SAG: variants seen among roughly 807,000 people sequenced by gnomAD.
The protein encoded by SAG is S-antigen visual arrestin, also known as S-arrestin.
SAG carries 45 observed loss-of-function variants against 55.0 expected under a neutral mutation model. That is an observed-to-expected ratio of 0.82 (90% confidence interval 0.64 to 1.05). The LOEUF is 1.05. Among genes scored for constraint, SAG ranks in the 50% least tolerant of loss-of-function variants. SAG has a pLI of 0.00. For missense variants in SAG, 455 were observed against 512.1 expected, an observed-to-expected ratio of 0.89 and a Z score of 1.08; for synonymous variants, 189 against 197.4, an observed-to-expected ratio of 0.96 and a Z score of 0.36.
At chr2:233,317,532 A>T (rs1490452431) in intron 3 of SAG, among the ~76,000 whole-genome samples, 2 of 152,260 alleles carry the variant, frequency 1.3e-5, no homozygotes, top group Non-Finnish European at 2.9e-5. Flanking sequence ...TGGATATGCA[A>T]ATGTGCCTTG....
In SAG at chr2:233,319,054, C is replaced by G. The variant is rs938503475; in HGVS notation, c.181+259C>G. The G allele has an allele frequency of 1.5e-5, 10 of 662,736 alleles. No individual in the cohort carries two copies. Among genetic ancestry groups the G allele is most frequent in the Admixed American group, 1.2e-4 (6 of 48,232 alleles). 41.1% of individuals were successfully genotyped at this position (662,736 alleles called of 1,614,324 possible). A position where few individuals can be genotyped will look rare whatever the true frequency, so the allele number is the denominator to read the frequency against. On this transcript the variant is annotated intron_variant, in intron 4 of 15. Transcript: ENST00000409110. The surrounding 1 kb of genome is among the most constrained non-coding windows in gnomAD (Gnocchi z 4.4). ...AGATAAGTAGATGGTAGACGGAGCC[C>G]AGGTCTGTGGCCCCCATTCCTGTTT...
intron 7 of SAG, 133 bp from the exon 8 acceptor site, chr2:233,328,345 C>T: frequency 1.8e-6 from 2 of 1,118,916 alleles, no homozygotes; most frequent in South Asian, 3.1e-5. Flanking sequence ...GTGTCGTTGC[C>T]CTCTTCCCGT....
chr2:233,336,076 C>T (rs1162444473), intron 11 of SAG, among the ~76,000 whole-genome samples: 1 of 152,230 alleles, frequency 6.6e-6, no homozygotes, highest in Non-Finnish European at 1.5e-5. Flanking sequence ...GATTCTAAAG[C>T]ACATTCGTGA....
chr2:233,334,903 C>A, intron 10 of SAG, 59 bp from the exon 11 acceptor site: 1 of 1,591,500 alleles, frequency 6.3e-7, no homozygotes, highest in Non-Finnish European at 8.6e-7. Flanking sequence ...CAAATAGGGG[C>A]TCATGGGGTC....
intron 12 of SAG, among the ~76,000 whole-genome samples, chr2:233,339,332 C>T (rs901098498): frequency 2.0e-5 from 3 of 152,124 alleles, no homozygotes; most frequent in South Asian, 2.1e-4. Context: ...TTCTCATTTT[C>T]GTTTCAAATT....
intron 15 of SAG, 107 bp from the exon 16 acceptor site, chr2:233,346,700 G>C: frequency 1.2e-6 from 1 of 846,006 alleles, no homozygotes; most frequent in Non-Finnish European, 2.0e-6. Flanking sequence ...GTTCTATCAT[G>C]GGGAAAACCT....
Position 233,329,530 on chromosome 2 carries a change from C to T in SAG, c.686C>T (p.Thr229Ile). The change falls in exon 9 of 16, where the codon ACT becomes ATT. Residue 229 changes from threonine to isoleucine, a missense_variant. Coordinates refer to ENST00000409110, the MANE Select transcript of SAG (RefSeq NM_000541.5). ...FHGEPIPVTV[T>I]VTNNTEKTVK... Reference sequence around the variant, plus strand: ...GGGGAGCCCATCCCTGTGACCGTGACTGTCACCAATAACACAGAGAAGACC... The same window carrying T: ...GGGGAGCCCATCCCTGTGACCGTGATTGTCACCAATAACACAGAGAAGACC... 1 of 1,613,602 alleles carries T rather than the reference C, an allele frequency of 6.2e-7. No homozygotes were observed. The highest frequency in any genetic ancestry group is 8.5e-7 in the Non-Finnish European group (1 of 1,179,510).
At position 233,334,990 on chromosome 2, in the gene SAG, A is replaced by G. The variant is rs1487639907; in HGVS notation, c.835A>G (p.Thr279Ala). 42 of 1,613,944 alleles carry G rather than the reference A, an allele frequency of 2.6e-5. No individual in the cohort carries two copies. Among genetic ancestry groups the G allele is most frequent in the Non-Finnish European group, 3.4e-5 (40 of 1,179,888 alleles). ...AAAAGTGCCACCAAACAGCACTTTG[A>G]CCAAGACGCTGACGCTGCTGCCCTT... is the stretch of plus-strand genomic sequence containing the variant. ...QEKVPPNSTL[T>A]KTLTLLPLLA... Residue 279 changes from threonine (T) to alanine (A), a missense_variant, in exon 11 of 16, where the codon ACC becomes GCC. Physicochemically the swap from Thr to Ala is moderately conservative, Grantham distance 58 (BLOSUM62 0). Transcript: ENST00000409110.
At chr2:233,327,296 GGGCTGGCAC>G in intron 7 of SAG, 99 bp downstream of exon 7, 1 of 922,878 alleles carries the variant, frequency 1.1e-6, no homozygotes, top group East Asian at 2.5e-5. Context: ...TCTTCCCATA[GGGCTGGCAC>G]GGCTGGGGTA....
At chr2:233,339,581 T>A (rs1049392768) in intron 12 of SAG, among the ~76,000 whole-genome samples, 17 of 148,498 alleles carry the variant, frequency 1.1e-4, no homozygotes, top group Non-Finnish European at 2.1e-4. Context: ...CATAAAAGGA[T>A]CTAAAAACAG....
chr2:233,318,946 A>C, intron 4 of SAG, 151 bp downstream of exon 4: 1 of 756,452 alleles, frequency 1.3e-6, no homozygotes, highest in South Asian at 1.4e-5. Context: ...CCACTGACCC[A>C]CACTCCTGTA....
intron 2 of SAG, among the ~76,000 whole-genome samples, chr2:233,313,101 G>A (rs570808411): frequency 6.6e-6 from 1 of 152,328 alleles, no homozygotes; most frequent in South Asian, 2.1e-4. Context: ...AGAGCACCCA[G>A]AACACAGTGT....
intron 6 of SAG, among the ~76,000 whole-genome samples, chr2:233,325,103 G>A (rs1250207692): frequency 6.6e-6 from 1 of 151,592 alleles, no homozygotes; most frequent in Admixed American, 6.6e-5. Context: ...GCGCGTGCCT[G>A]TAATCCCAGC....
chr2:233,334,352 C>T (rs893589059), intron 10 of SAG: 1 of 152,294 alleles, frequency 6.6e-6, no homozygotes, highest in Non-Finnish European at 1.5e-5. Flanking sequence ...GGATCCCAGA[C>T]CCGCCTGTTG....
At chr2:233,310,109 G>A (rs976398817) in intron 2 of SAG, among the ~76,000 whole-genome samples, 1 of 152,212 alleles carries the variant, frequency 6.6e-6, no homozygotes, top group Admixed American at 6.5e-5. Context: ...GGGCACGTTA[G>A]ATGCTCCAGG....
At chr2:233,330,678 G>A (rs890444556) in intron 9 of SAG, among the ~76,000 whole-genome samples, 1 of 151,946 alleles carries the variant, frequency 6.6e-6, no homozygotes, top group Non-Finnish European at 1.5e-5. Context: ...TTACAGGCGT[G>A]CACCAATTTT....
chr2:233,310,931 G>A (rs939966493), intron 2 of SAG, among the ~76,000 whole-genome samples: 4 of 152,030 alleles, frequency 2.6e-5, no homozygotes, highest in Admixed American at 6.6e-5. Flanking sequence ...TAAGGAACTC[G>A]GTCATTTTAA....
intron 6 of SAG, among the ~76,000 whole-genome samples, chr2:233,323,255 C>T (rs1270431196): frequency 6.6e-6 from 1 of 152,146 alleles, no homozygotes; most frequent in Non-Finnish European, 1.5e-5. Context: ...GGCGGGGTTT[C>T]ACCACACTGA....
chr2:233,314,090 C>T (rs561758344), intron 2 of SAG, among the ~76,000 whole-genome samples: 4 of 151,924 alleles, frequency 2.6e-5, no homozygotes, highest in African/African-American at 7.2e-5. Context: ...GGCATGGTGG[C>T]GTGCATCTGT....
Sources: gnomAD v4.1 joint callset for allele counts (sites outside exome capture counted in the v4.1 genomes callset) on GRCh38, gnomAD v4.1.1 for gene constraint, Gnocchi (gnomAD v3.1) non-coding constraint, MANE v1.5 for transcripts, NCBI Gene and HGNC (gene_info 2026-07-23, HGNC 2026-07-21) for gene names.